FGD4: variants seen among roughly 807,000 people sequenced by gnomAD.
FGD4 encodes the protein FYVE, RhoGEF and PH domain containing 4, also known as FYVE, RhoGEF and PH domain-containing protein 4.
In FGD4, 42 loss-of-function variants were observed where a neutral mutation model predicts 102.0. The observed-to-expected ratio is 0.41, with a 90% confidence interval of 0.32 to 0.53. FGD4 has a LOEUF of 0.53. FGD4 is among the 20% of genes least tolerant of loss of function. FGD4 has a pLI of 0.21. For synonymous variants in FGD4, 380 were observed against 375.7 expected (o/e 1.01, Z -0.13); for missense variants, 902 against 1,078.2 (o/e 0.84, Z 2.29).
At position 32,644,200 on chromosome 12, in the gene FGD4, T is replaced by C. The variant is rs1565948286; in HGVS notation, c.*3667T>C. 1 of 152,170 alleles carries C rather than the reference T, an allele frequency of 6.6e-6. No homozygotes were observed. The highest frequency in any genetic ancestry group is 1.5e-5 in the Non-Finnish European group (1 of 68,004). The allele number at this position is 152,170 out of a possible 1,614,324, so 9.4% of individuals were successfully genotyped here. On this transcript the variant is annotated 3_prime_UTR_variant, in exon 17 of 17. Transcript: ENST00000534526. ...CAAGAATGTATTAGTATATGAACTG[T>C]GGCCAACCAGTTCCTATTCTTCAGA...
At chr12:32,480,266 A>G (rs1003458102) in intron 1 of FGD4, among the ~76,000 whole-genome samples, 4 of 150,922 alleles carry the variant, frequency 2.7e-5, no homozygotes, top group African/African-American at 9.8e-5. Flanking sequence ...GGTTCACACC[A>G]TTCTCCTGTC....
chr12:32,538,097 C>G (rs1448550812), intron 1 of FGD4, among the ~76,000 whole-genome samples: 1 of 152,120 alleles, frequency 6.6e-6, no homozygotes, highest in Non-Finnish European at 1.5e-5. Flanking sequence ...TGGGTTTTGT[C>G]ATGTTGCCCA....
chr12:32,441,269 G>A (rs1423474257), intron 1 of FGD4, among the ~76,000 whole-genome samples: 1 of 152,154 alleles, frequency 6.6e-6, no homozygotes, highest in Non-Finnish European at 1.5e-5. Flanking sequence ...CCTGAAGTCA[G>A]CAAGTCTCAG....
intron 1 of FGD4, among the ~76,000 whole-genome samples, chr12:32,532,454 TAC>T (rs1364661760): frequency 6.6e-6 from 1 of 152,194 alleles, no homozygotes. Flanking sequence ...AACACTACCT[TAC>T]AGAGTGATAT....
Position 32,582,020 on chromosome 12 carries a change from A to G in FGD4, c.564A>G (p.Arg188=). The G allele has an allele frequency of 6.2e-7, 1 of 1,614,202 alleles. No individual in the cohort carries two copies. ...KESAVNLNAP[R]TPGRHGLTTT... Reference sequence around the variant, plus strand: ...CTGCTGTGAACCTAAATGCTCCTAGAACCCCAGGAAGGCATGGATTGACAA... The same window carrying G: ...CTGCTGTGAACCTAAATGCTCCTAGGACCCCAGGAAGGCATGGATTGACAA... The change falls in exon 4 of 17, where the codon AGA becomes AGG. Residue 188 remains arginine (R), a synonymous_variant. Coordinates refer to ENST00000534526, the MANE Select transcript of FGD4 (RefSeq NM_001370298.3).
At chr12:32,424,356 G>T (rs185781216) in intron 1 of FGD4, among the ~76,000 whole-genome samples, 1 of 152,234 alleles carries the variant, frequency 6.6e-6, no homozygotes, top group East Asian at 1.9e-4. Flanking sequence ...TGCTGAAGAC[G>T]ATTGTTTCTA....
chr12:32,540,566 CTTT>C (rs528437420), intron 1 of FGD4, among the ~76,000 whole-genome samples: 3 of 136,402 alleles, frequency 2.2e-5, no homozygotes, highest in Admixed American at 7.3e-5. Context: ...TCTTTCTTTT[CTTT>C]TTTTTTTTTT....
intron 1 of FGD4, among the ~76,000 whole-genome samples, chr12:32,453,204 A>ATATATATATATATATAT: frequency 4.1e-5 from 2 of 48,664 alleles, no homozygotes; most frequent in African/African-American, 8.9e-5. Context: ...TATATATTAT[A>ATATATATATATATATAT]TATATATATA....
intron 1 of FGD4, among the ~76,000 whole-genome samples, chr12:32,428,192 G>A (rs1941916585): frequency 6.6e-6 from 1 of 152,128 alleles, no homozygotes; most frequent in South Asian, 2.1e-4. Context: ...TTTTTGCAGT[G>A]GCTGGTACCA....
chr12:32,512,758 T>C (rs16919976), intron 1 of FGD4, among the ~76,000 whole-genome samples: 1,832 of 152,282 alleles, frequency 0.012, 36 homozygotes, highest in African/African-American at 0.041. Flanking sequence ...AATTGAGTTA[T>C]TTTGGCCACA....
At chr12:32,590,941 A>G (rs899800690) in intron 4 of FGD4, among the ~76,000 whole-genome samples, 2 of 152,250 alleles carry the variant, frequency 1.3e-5, no homozygotes, top group African/African-American at 4.8e-5. Context: ...TGACATTCAA[A>G]TGTCCTTGTG....
At chr12:32,537,897 G>GTTGGT (rs1314824459) in intron 1 of FGD4, among the ~76,000 whole-genome samples, 1 of 151,950 alleles carries the variant, frequency 6.6e-6, no homozygotes, top group Non-Finnish European at 1.5e-5. Context: ...TTTTTTGTTT[G>GTTGGT]TTTGTTTTGT....
intron 1 of FGD4, among the ~76,000 whole-genome samples, chr12:32,526,605 C>T (rs191247703): frequency 1.3e-5 from 2 of 152,322 alleles, no homozygotes; most frequent in East Asian, 1.9e-4. Context: ...TAAAAGCAGG[C>T]TGCCCGAGCC....
chr12:32,608,118 C>A (rs747393479), intron 8 of FGD4, 23 bp downstream of exon 8: 13 of 1,612,978 alleles, frequency 8.1e-6, no homozygotes, highest in Non-Finnish European at 1.0e-5. Context: ...TTTTTGTTTT[C>A]TCCCTATTTT....
rs141548411 is a variant in FGD4 at position 32,620,442 on chromosome 12, A to G, written c.1922+572A>G. On this transcript the variant is annotated intron_variant, in intron 11 of 16. Transcript: ENST00000534526. ...TTCTAGAAGGTATGGCTCTTCTTAT[A>G]TTTTTATTTATTGATTGGGAGAGAA... is the stretch of plus-strand genomic sequence containing the variant. Among the ~76,000 whole-genome samples, 42 of 149,614 alleles carry G rather than the reference A, an allele frequency of 2.8e-4. 1 individual carries two copies. Among genetic ancestry groups the G allele is most frequent in the African/African-American group, 9.3e-4 (38 of 40,664 alleles).
chr12:32,544,333 G>C lies in FGD4; in HGVS notation c.167-19804G>C, dbSNP rs1480298104. 6.6e-6 allele frequency among the ~76,000 whole-genome samples: 1 copy of C among 152,210 alleles called. No homozygotes were observed. Among genetic ancestry groups the C allele is most frequent in the African/African-American group, 2.4e-5 (1 of 41,452 alleles). ...TAATCCCAGCTACTTGGGAGCCTGA[G>C]GCAGGAGAATCACTTGAACCTGGGA... On this transcript the variant is annotated intron_variant, in intron 1 of 16. Coordinates refer to ENST00000534526, the MANE Select transcript of FGD4 (RefSeq NM_001370298.3). The surrounding 1 kb of genome is among the most constrained non-coding windows in gnomAD (Gnocchi z 4.1).
At chr12:32,415,567 C>T (rs546444994) in intron 1 of FGD4, among the ~76,000 whole-genome samples, 101 of 152,046 alleles carry the variant, frequency 6.6e-4, no homozygotes, top group Admixed American at 1.6e-3. Flanking sequence ...GGACTACAGG[C>T]ACCTGCCACC....
At chr12:32,400,082 T>C in intron 1 of FGD4, 123 bp downstream of exon 1, 4 of 1,332,122 alleles carry the variant, frequency 3.0e-6, no homozygotes, top group Non-Finnish European at 3.9e-6. Flanking sequence ...GTTCGGGAGG[T>C]TCATTGTGGA....
chr12:32,486,922 G>A (rs897741243), intron 1 of FGD4, among the ~76,000 whole-genome samples: 3 of 152,100 alleles, frequency 2.0e-5, no homozygotes, highest in Non-Finnish European at 2.9e-5. Context: ...ACATTTTGAG[G>A]TGTTTTTCCT....
Sources: gnomAD v4.1 joint callset for allele counts (sites outside exome capture counted in the v4.1 genomes callset) on GRCh38, gnomAD v4.1.1 for gene constraint, Gnocchi (gnomAD v3.1) non-coding constraint, MANE v1.5 for transcripts, NCBI Gene and HGNC (gene_info 2026-07-23, HGNC 2026-07-21) for gene names.